AGBL1: variants seen among roughly 807,000 people sequenced by gnomAD.
AGBL1 encodes cytosolic carboxypeptidase 4.
In AGBL1, 130 loss-of-function variants were observed where a neutral mutation model predicts 118.9. That is an observed-to-expected ratio of 1.09 (90% CI 0.95 to 1.26). AGBL1 has a LOEUF of 1.26. Among genes scored for constraint, AGBL1 ranks in the 50% most tolerant of loss-of-function variants. AGBL1 has a pLI of 0.00. For synonymous variants in AGBL1, 555 were observed against 478.9 expected, an observed-to-expected ratio of 1.16 and a Z score of -2.08; for missense variants, 1,584 against 1,298.1, an observed-to-expected ratio of 1.22 and a Z score of -3.38.
intron 21 of AGBL1, among the ~76,000 whole-genome samples, chr15:86,671,091 G>T (rs943028722): frequency 6.6e-6 from 1 of 152,122 alleles, no homozygotes; most frequent in Non-Finnish European, 1.5e-5. Flanking sequence ...AGGGTGAACA[G>T]GCTGAAACAT....
chr15:86,632,844 T>C (rs571887316), intron 21 of AGBL1, among the ~76,000 whole-genome samples: 1 of 152,196 alleles, frequency 6.6e-6, no homozygotes, highest in Non-Finnish European at 1.5e-5. Context: ...TTGCTAATAC[T>C]ACTGCCTTTT....
intron 23 of AGBL1, among the ~76,000 whole-genome samples, chr15:86,975,250 C>G (rs1488891882): frequency 6.6e-6 from 1 of 152,032 alleles, no homozygotes; most frequent in Non-Finnish European, 1.5e-5. Flanking sequence ...TTCCACATGG[C>G]TGGGGAGGTG....
chr15:86,333,302 G>C (rs1348406594), intron 17 of AGBL1, among the ~76,000 whole-genome samples: 1 of 152,146 alleles, frequency 6.6e-6, no homozygotes, highest in East Asian at 1.9e-4. Context: ...GGTTAAGAAA[G>C]AAAAAGAGAT....
At chr15:86,547,764 G>C (rs1047774081) in intron 20 of AGBL1, among the ~76,000 whole-genome samples, 2 of 152,090 alleles carry the variant, frequency 1.3e-5, no homozygotes, top group East Asian at 1.9e-4. Context: ...AGTTGTCTGA[G>C]CCTCACTTTT....
intron 17 of AGBL1, among the ~76,000 whole-genome samples, chr15:86,330,985 G>T (rs2080259574): frequency 6.6e-6 from 1 of 152,082 alleles, no homozygotes; most frequent in African/African-American, 2.4e-5. Context: ...TGGCACTTTG[G>T]GAGGCCAAGG....
chr15:86,686,049 C>T (rs1487705817), intron 22 of AGBL1, among the ~76,000 whole-genome samples: 1 of 152,080 alleles, frequency 6.6e-6, no homozygotes, highest in Non-Finnish European at 1.5e-5. Flanking sequence ...GTTAGCCTGC[C>T]TTTGTTGTTG....
chr15:86,783,771 AGGTGCAT>A (rs2078368973), intron 22 of AGBL1, among the ~76,000 whole-genome samples: 1 of 152,188 alleles, frequency 6.6e-6, no homozygotes, highest in Non-Finnish European at 1.5e-5. Context: ...CTGGGATTAC[AGGTGCAT>A]GCCACCACAC....
At chr15:86,149,693 C>T (rs1393760260) in intron 3 of AGBL1, among the ~76,000 whole-genome samples, 1 of 152,086 alleles carries the variant, frequency 6.6e-6, no homozygotes. Context: ...CTTTAACACC[C>T]CATTGTCAAT....
chr15:86,516,656 C>T (rs750077202), intron 18 of AGBL1, among the ~76,000 whole-genome samples: 2 of 152,144 alleles, frequency 1.3e-5, no homozygotes, highest in Non-Finnish European at 2.9e-5. Flanking sequence ...AAAAAATTAG[C>T]TGGGCGTGGC....
intron 5 of AGBL1, among the ~76,000 whole-genome samples, chr15:86,221,586 A>C (rs775882467): frequency 1.3e-5 from 2 of 152,172 alleles, no homozygotes; most frequent in African/African-American, 4.8e-5. Flanking sequence ...ATAAACCAAA[A>C]ATCAAGAGCC....
rs2141601396 is a variant in AGBL1, at chr15:86,911,469, A to C, written c.*4175A>C. ...CACATTTCCTTCAGAAGGAAGTCTA[A>C]ATGTCTCAACAGATCCCTTTATAGC... On this transcript the variant is annotated 3_prime_UTR_variant, in exon 23 of 23. Coordinates refer to ENST00000614907, the MANE Select transcript of AGBL1 (RefSeq NM_001386094.1). 1 of 152,296 alleles carries C rather than the reference A, an allele frequency of 6.6e-6. No homozygotes were observed. Among genetic ancestry groups the C allele is most frequent in the South Asian group, 2.1e-4 (1 of 4,826 alleles). The allele number at this position is 152,296 out of a possible 1,614,324, so 9.4% of individuals were successfully genotyped here. A position where few individuals can be genotyped will look rare whatever the true frequency, so the allele number is the denominator to read the frequency against.
chr15:86,260,045 T>G (rs905220264), intron 9 of AGBL1, among the ~76,000 whole-genome samples: 4 of 152,144 alleles, frequency 2.6e-5, no homozygotes, highest in African/African-American at 9.6e-5. Context: ...AAAACTATTC[T>G]TCAAAAGGCT....
chr15:86,092,248 A>G (rs564074395), intron 1 of AGBL1, among the ~76,000 whole-genome samples: 54 of 152,200 alleles, frequency 3.5e-4, no homozygotes, highest in Non-Finnish European at 6.9e-4. Flanking sequence ...AGATTTGTCC[A>G]CAACTAGATT....
intron 13 of AGBL1, 83 bp downstream of exon 13, chr15:86,267,159 G>C (rs1029696244): frequency 9.2e-7 from 1 of 1,086,354 alleles, no homozygotes; most frequent in East Asian, 2.6e-5. Flanking sequence ...GCTCTGTTCA[G>C]TGACCTTGCA....
chr15:86,729,643 G>A (rs1002038645), intron 22 of AGBL1, among the ~76,000 whole-genome samples: 1 of 152,180 alleles, frequency 6.6e-6, no homozygotes, highest in African/African-American at 2.4e-5. Context: ...ATTCCCTGGT[G>A]CATATGTACC....
intron 5 of AGBL1, among the ~76,000 whole-genome samples, chr15:86,168,149 A>G (rs1291610694): frequency 6.6e-6 from 1 of 152,200 alleles, no homozygotes; most frequent in Non-Finnish European, 1.5e-5. Context: ...AGTTGAAAAG[A>G]CACAGTCCTT....
chr15:86,890,490 C>T (rs11852436), intron 22 of AGBL1, among the ~76,000 whole-genome samples: 128,098 of 152,146 alleles, frequency 0.84, 54,201 homozygotes, highest in East Asian at 0.94. Flanking sequence ...CTGAATGGTA[C>T]TGCCTATATT....
chr15:86,883,694 G>C (rs921026132), intron 22 of AGBL1, among the ~76,000 whole-genome samples: 1 of 152,070 alleles, frequency 6.6e-6, no homozygotes, highest in Admixed American at 6.6e-5. Flanking sequence ...GCACATGGTA[G>C]GTAGGTGGAA....
chr15:86,309,931 A>C (rs952164001), intron 17 of AGBL1, among the ~76,000 whole-genome samples: 5 of 152,178 alleles, frequency 3.3e-5, no homozygotes, highest in Non-Finnish European at 5.9e-5. Context: ...TCATAGAGTA[A>C]AGCTGGCCTT....
Sources: allele counts gnomAD v4.1 joint callset (sites outside exome capture counted in the v4.1 genomes callset), GRCh38; gene constraint gnomAD v4.1.1; transcripts MANE v1.5; gene names NCBI Gene and HGNC (gene_info 2026-07-23, HGNC 2026-07-21).